PPP1R42: variants seen among roughly 807,000 people sequenced by gnomAD.
The protein encoded by PPP1R42 is protein phosphatase 1 regulatory subunit 42.
Under a neutral mutation model 31.0 loss-of-function variants are expected in PPP1R42, and 34 were observed. The ratio of observed to expected loss-of-function variants is 1.10; its 90% CI spans 0.83 to 1.46. PPP1R42 has a LOEUF of 1.46. Ranked by LOEUF, PPP1R42 falls within the 40% of genes most tolerant of loss-of-function variation. The pLI is 0.00. For missense variants in PPP1R42, 268 were observed against 303.0 expected (o/e 0.88, Z 0.86); for synonymous variants, 103 against 109.8 (o/e 0.94, Z 0.39).
chr8:66,983,926 A>C (rs1814923621), intron 6 of PPP1R42, among the ~76,000 whole-genome samples: 1 of 152,190 alleles, frequency 6.6e-6, no homozygotes, highest in Non-Finnish European at 1.5e-5. Flanking sequence ...TATTTATTTA[A>C]ACAAACTCTT....
intron 7 of PPP1R42, among the ~76,000 whole-genome samples, chr8:66,970,304 T>C (rs2130911338): frequency 6.6e-6 from 1 of 151,254 alleles, no homozygotes; most frequent in African/African-American, 2.4e-5. Context: ...CTAATTTTTG[T>C]ATTTTTTTTT....
intron 5 of PPP1R42, among the ~76,000 whole-genome samples, chr8:66,992,731 C>A (rs1240466195): frequency 6.6e-6 from 1 of 152,184 alleles, no homozygotes; most frequent in Non-Finnish European, 1.5e-5. Flanking sequence ...TCTATTTATA[C>A]TTAGACCCTT....
rs568565367 is a variant in PPP1R42 at position 66,968,977 on chromosome 8, C to G, written c.803-4643G>C. On this transcript the variant is annotated intron_variant, in intron 7 of 7. Coordinates refer to ENST00000685739, the MANE Select transcript of PPP1R42 (RefSeq NM_001364910.1). ...GGACATTCTTATGTTCTCACAGAAC[C>G]CTTTTGGTTTGCTGGCTTCATTTAG... Among the ~76,000 whole-genome samples the G allele has an allele frequency of 1.8e-4, 28 of 152,162 alleles. 1 individual carries two copies. In the South Asian group the frequency reaches 5.8e-3, roughly 32 times the overall value.
At chr8:67,008,309 C>T (rs1010262470) in intron 5 of PPP1R42, among the ~76,000 whole-genome samples, 1 of 152,090 alleles carries the variant, frequency 6.6e-6, no homozygotes, top group Non-Finnish European at 1.5e-5. Flanking sequence ...TAGAATGTAG[C>T]CTTCACAGAT....
chr8:66,987,722 T>C (rs1815066050), intron 6 of PPP1R42, among the ~76,000 whole-genome samples: 1 of 152,190 alleles, frequency 6.6e-6, no homozygotes, highest in African/African-American at 2.4e-5. Flanking sequence ...AAAATTTGCT[T>C]CCACTCATGC....
intron 7 of PPP1R42, among the ~76,000 whole-genome samples, chr8:66,969,895 A>G (rs1319664933): frequency 6.6e-6 from 1 of 152,192 alleles, no homozygotes; most frequent in Admixed American, 6.6e-5. Flanking sequence ...TTGATTATAA[A>G]TGAAAAAATA....
chr8:66,985,778 A>G, intron 6 of PPP1R42: 1 of 1,236,806 alleles, frequency 8.1e-7, no homozygotes. Flanking sequence ...TGGATTTGCC[A>G]TTTTGCTGCG....
intron 5 of PPP1R42, among the ~76,000 whole-genome samples, chr8:66,993,687 T>C (rs1279120047): frequency 2.6e-5 from 4 of 152,192 alleles, no homozygotes; most frequent in Non-Finnish European, 5.9e-5. Context: ...ATATTTGTTT[T>C]GGGATGACTA....
At chr8:67,013,954 A>T (rs2129536958) in intron 3 of PPP1R42, among the ~76,000 whole-genome samples, 1 of 152,344 alleles carries the variant, frequency 6.6e-6, no homozygotes, top group South Asian at 2.1e-4. Flanking sequence ...CACTATAGGT[A>T]GTAAATGCCT....
intron 1 of PPP1R42, among the ~76,000 whole-genome samples, chr8:67,018,361 G>T (rs1816083126): frequency 6.6e-6 from 1 of 151,462 alleles, no homozygotes. Flanking sequence ...CAGGCAATTG[G>T]CCCGCCTCGG....
chr8:66,985,092 C>T (rs541009003), intron 6 of PPP1R42: 27 of 1,301,754 alleles, frequency 2.1e-5, no homozygotes, highest in African/African-American at 4.4e-5. Flanking sequence ...CTTCCTTTAG[C>T]TCCTTCCTAG....
intron 7 of PPP1R42, among the ~76,000 whole-genome samples, chr8:66,967,349 T>C (rs1297855768): frequency 6.6e-6 from 1 of 152,224 alleles, no homozygotes; most frequent in Non-Finnish European, 1.5e-5. Flanking sequence ...TCAAAATGGT[T>C]CTTTGAGAAC....
intron 3 of PPP1R42, 95 bp from the exon 4 acceptor site, chr8:67,013,191 G>A: frequency 1.0e-6 from 1 of 965,858 alleles, no homozygotes; most frequent in Non-Finnish European, 1.5e-6. Flanking sequence ...TCACTGAGCT[G>A]AACAAAATTA....
At chr8:66,975,588 A>G (rs999654671) in intron 7 of PPP1R42, among the ~76,000 whole-genome samples, 18 of 152,108 alleles carry the variant, frequency 1.2e-4, no homozygotes, top group African/African-American at 4.3e-4. Flanking sequence ...AGAGGTTGCA[A>G]TGAACTGAGA....
intron 4 of PPP1R42, among the ~76,000 whole-genome samples, chr8:67,011,554 C>A (rs1815845128): frequency 6.6e-6 from 1 of 152,148 alleles, no homozygotes; most frequent in African/African-American, 2.4e-5. Flanking sequence ...TAGTTTTTGT[C>A]TTTATTTTAC....
intron 7 of PPP1R42, among the ~76,000 whole-genome samples, chr8:66,979,627 C>G (rs1289653591): frequency 6.6e-6 from 1 of 152,082 alleles, no homozygotes; most frequent in Non-Finnish European, 1.5e-5. Flanking sequence ...GTTACTATAG[C>G]TTTGTTGTAT....
At chr8:67,015,971 C>T (rs1816005772) in intron 2 of PPP1R42, among the ~76,000 whole-genome samples, 1 of 152,162 alleles carries the variant, frequency 6.6e-6, no homozygotes, top group Non-Finnish European at 1.5e-5. Context: ...AAAGATCATC[C>T]ACCCTGGAGG....
chr8:66,999,386 A>T (rs1230398110), intron 5 of PPP1R42, among the ~76,000 whole-genome samples: 1 of 152,140 alleles, frequency 6.6e-6, no homozygotes, highest in Non-Finnish European at 1.5e-5. Flanking sequence ...ACACCCAGCT[A>T]ATTTTTTTAT....
At position 66,982,147 on chromosome 8, in the gene PPP1R42, T is replaced by G; in HGVS notation, c.704A>C (p.Glu235Ala). The change falls in exon 7 of 8, where the codon GAA (glutamate) becomes GCA (alanine). Residue 235 changes from glutamate (E) to alanine (A), a missense_variant. By Grantham distance (107) the Glu-to-Ala change is moderately radical (BLOSUM62 -1). Coordinates refer to ENST00000685739, the MANE Select transcript of PPP1R42 (RefSeq NM_001364910.1). ...TTTCCAATTCATTAGGAATTGTCTT[T>G]CTATATTTTTAATTTCTTTTCCATC... ...FLDGKEIKNI[E>A]RQFLMNWKAS... is the part of the protein sequence containing the mutation. 1.4e-6 allele frequency: 2 copies of G among 1,463,184 alleles called. No homozygotes were observed. The highest frequency in any genetic ancestry group is 2.6e-5 in the East Asian group (1 of 38,992). The allele number at this position is 1,463,184 out of a possible 1,614,324, so 90.6% of individuals were successfully genotyped here.
Sources: gnomAD v4.1 joint callset for allele counts (sites outside exome capture counted in the v4.1 genomes callset) on GRCh38, gnomAD v4.1.1 for gene constraint, MANE v1.5 for transcripts, NCBI Gene and HGNC (gene_info 2026-07-23, HGNC 2026-07-21) for gene names.